RFX4: variants seen among roughly 807,000 people sequenced by gnomAD.
RFX4 encodes transcription factor RFX4.
In RFX4, 10 loss-of-function variants were observed where a neutral mutation model predicts 95.0. The ratio of observed to expected loss-of-function variants is 0.11; its 90% CI spans 0.06 to 0.18. RFX4 has a LOEUF of 0.18. Ranked by LOEUF, RFX4 falls within the 10% of genes least tolerant of loss-of-function variation. The pLI is 1.00. For synonymous variants in RFX4, 321 were observed against 340.7 expected (o/e 0.94, Z 0.64); for missense variants, 640 against 922.0 (o/e 0.69, Z 3.96).
chr12:106,642,264 C>T (rs1167433186), intron 3 of RFX4, among the ~76,000 whole-genome samples: 1 of 150,424 alleles, frequency 6.6e-6, no homozygotes, highest in Non-Finnish European at 1.5e-5. Context: ...CCTTCCTCAG[C>T]CTCTCAAAGT....
At chr12:106,614,489 G>GTGTGTT (rs1454315446) in intron 2 of RFX4, among the ~76,000 whole-genome samples, 7 of 138,356 alleles carry the variant, frequency 5.1e-5, no homozygotes, top group African/African-American at 2.2e-4. Flanking sequence ...GTGTGTGTGT[G>GTGTGTT]TGTGTGTGTG....
At chr12:106,711,574 C>T (rs2042191776) in intron 10 of RFX4, 63 bp downstream of exon 10, 1 of 1,399,750 alleles carries the variant, frequency 7.1e-7, no homozygotes, top group South Asian at 1.2e-5. Context: ...GGGGCAAATC[C>T]ACAAAAACAA....
chr12:106,750,039 G>T (rs930191122), intron 16 of RFX4, among the ~76,000 whole-genome samples: 4 of 152,198 alleles, frequency 2.6e-5, no homozygotes, highest in Non-Finnish European at 1.5e-5. Flanking sequence ...CATCACTAAT[G>T]ATGTTTGGCT....
At chr12:106,590,314 T>C (rs1290519231) in intron 1 of RFX4, among the ~76,000 whole-genome samples, 1 of 152,284 alleles carries the variant, frequency 6.6e-6, no homozygotes, top group Non-Finnish European at 1.5e-5. Flanking sequence ...ATACTTACTG[T>C]GTCTTCACTT....
At chr12:106,657,607 G>T (rs2040985708) in intron 4 of RFX4, among the ~76,000 whole-genome samples, 1 of 152,120 alleles carries the variant, frequency 6.6e-6, no homozygotes, top group South Asian at 2.1e-4. Context: ...CGCTGTTAAG[G>T]GTAATGAAAG....
At chr12:106,745,348 C>T (rs1256936123) in intron 15 of RFX4, among the ~76,000 whole-genome samples, 1 of 152,240 alleles carries the variant, frequency 6.6e-6, no homozygotes, top group Non-Finnish European at 1.5e-5. Context: ...TCCTTTCATA[C>T]TCTTAGAATA....
At chr12:106,731,281 C>CA (rs2042607730) in intron 13 of RFX4, among the ~76,000 whole-genome samples, 1 of 151,362 alleles carries the variant, frequency 6.6e-6, no homozygotes, top group South Asian at 2.1e-4. Flanking sequence ...GCATGACATG[C>CA]AAAAAAAAGC....
chr12:106,754,940 G>A (rs2043082093), intron 17 of RFX4, among the ~76,000 whole-genome samples: 1 of 152,234 alleles, frequency 6.6e-6, no homozygotes, highest in African/African-American at 2.4e-5. Context: ...CTCTACCCAG[G>A]TTGATGAGTG....
chr12:106,635,293 T>TA (rs34627734), intron 2 of RFX4, among the ~76,000 whole-genome samples: 3 of 152,146 alleles, frequency 2.0e-5, no homozygotes, highest in Non-Finnish European at 4.4e-5. Flanking sequence ...TTTTCTTGTT[T>TA]AAAAAAATAC....
At chr12:106,684,198 C>T (rs2041592460) in intron 5 of RFX4, among the ~76,000 whole-genome samples, 1 of 152,162 alleles carries the variant, frequency 6.6e-6, no homozygotes, top group Non-Finnish European at 1.5e-5. Context: ...GAAACCCCAT[C>T]TCTACAAAAA....
intron 13 of RFX4, among the ~76,000 whole-genome samples, chr12:106,725,650 A>G (rs2042480375): frequency 6.6e-6 from 1 of 152,172 alleles, no homozygotes; most frequent in Non-Finnish European, 1.5e-5. Flanking sequence ...ATCATTACTA[A>G]AAGAACACAA....
chr12:106,700,406 T>C (rs2041963433), intron 8 of RFX4, among the ~76,000 whole-genome samples: 1 of 141,900 alleles, frequency 7.0e-6, no homozygotes, highest in Non-Finnish European at 1.5e-5. Flanking sequence ...TCTTTTTCTT[T>C]TTTTTTTTTT....
intron 4 of RFX4, among the ~76,000 whole-genome samples, chr12:106,654,559 C>T (rs986785930): frequency 8.5e-5 from 13 of 152,154 alleles, no homozygotes; most frequent in Non-Finnish European, 4.4e-5. Flanking sequence ...TTCAATGTCT[C>T]ACTTGAATTT....
intron 10 of RFX4, among the ~76,000 whole-genome samples, chr12:106,712,637 C>T (rs897268399): frequency 6.6e-6 from 1 of 152,118 alleles, no homozygotes. Flanking sequence ...CTGGCATGGA[C>T]AGCACAGGGG....
At chr12:106,628,035 G>A (rs1258849667) in intron 2 of RFX4, among the ~76,000 whole-genome samples, 1 of 152,218 alleles carries the variant, frequency 6.6e-6, no homozygotes, top group South Asian at 2.1e-4. Context: ...TGGGAACCCA[G>A]GTTCGAGACT....
In RFX4 at chr12:106,749,214, C is replaced by T. The variant is rs186619067; in HGVS notation, c.1797-1441C>T. Among the ~76,000 whole-genome samples the T allele has an allele frequency of 4.0e-3, 601 of 150,958 alleles. 19 individuals carry two copies. Among genetic ancestry groups the T allele is most frequent in the Admixed American group, 0.036 (548 of 15,152 alleles). On this transcript the variant is annotated intron_variant, in intron 16 of 17. Transcript: ENST00000392842. ...GAGGTTGCAGTAAGCTGAGATCGCG[C>T]CACTGCATTCCAGCCTGGAGAATAG...
intron 17 of RFX4, among the ~76,000 whole-genome samples, chr12:106,756,809 G>A (rs1472704710): frequency 2.6e-5 from 4 of 152,262 alleles, no homozygotes; most frequent in Admixed American, 2.6e-4. Context: ...TAACACCATA[G>A]TTATAATATT....
chr12:106,729,880 A>T (rs2042577748), intron 13 of RFX4, among the ~76,000 whole-genome samples: 1 of 152,238 alleles, frequency 6.6e-6, no homozygotes, highest in Admixed American at 6.5e-5. Context: ...TCAGTGGTTC[A>T]CAGGATCCCA....
chr12:106,745,969 C>G (rs2042885061), intron 15 of RFX4, among the ~76,000 whole-genome samples: 1 of 151,822 alleles, frequency 6.6e-6, no homozygotes, highest in Admixed American at 6.6e-5. Flanking sequence ...GCTCATGCCT[C>G]TAATCCTAGC....
Sources: allele counts gnomAD v4.1 joint callset (sites outside exome capture counted in the v4.1 genomes callset), GRCh38; gene constraint gnomAD v4.1.1; transcripts MANE v1.5; gene names NCBI Gene and HGNC (gene_info 2026-07-23, HGNC 2026-07-21).